The following ZSCAN20 variants were observed in gnomAD, a reference collection of about 807,000 sequenced individuals.
ZSCAN20 encodes zinc finger and SCAN domain-containing protein 20.
A neutral mutation model predicts 97.1 loss-of-function variants in ZSCAN20; 39 were observed. The observed-to-expected ratio is 0.40, with a 90% CI of 0.31 to 0.52. ZSCAN20 has a LOEUF of 0.52. Among genes scored for constraint, ZSCAN20 ranks in the 20% least tolerant of loss-of-function variants. The pLI is 0.49. For synonymous variants in ZSCAN20, 456 were observed against 467.3 expected (o/e 0.98, Z 0.31); for missense variants, 1,115 against 1,290.4 (o/e 0.86, Z 2.08).
At chr1:33,476,244 C>T (rs1280777380) in intron 1 of ZSCAN20, among the ~76,000 whole-genome samples, 1 of 152,174 alleles carries the variant, frequency 6.6e-6, no homozygotes, top group Non-Finnish European at 1.5e-5. Flanking sequence ...CGGCTGTTGG[C>T]CGACTCTGTT....
rs1219363944 is a variant in ZSCAN20, at chr1:33,491,056, C to T, written c.798C>T (p.Ser266=). ...GVPVSKPSNT[S]EKEQGPEFWG... ...CAGTTTCAAAACCAAGTAATACCTC[C>T]GAGAAAGAGCAAGGACCAGAGTTTT... Residue 266 remains serine (S), a synonymous_variant, in exon 6 of 8, where the codon TCC becomes TCT. Transcript: ENST00000684572. This position sits in a 1 kb window ranked among gnomAD's most constrained non-coding sequence, Gnocchi z 4.3. The T allele has an allele frequency of 6.2e-6, 10 of 1,607,824 alleles. No homozygotes were observed. The highest frequency in any genetic ancestry group is 1.7e-4 in the Middle Eastern group (1 of 6,012).
rs1465968842 is a variant in ZSCAN20 at position 33,497,299 on chromosome 1, GGC to G, written c.*1824_*1825del. ...TTTCTGGCCCACGTTATCTCTGCGG[GGC>G]AGGGGTCATGGGATGAACCCTGGAT... On this transcript the variant is annotated 3_prime_UTR_variant, in exon 8 of 8. Coordinates refer to ENST00000684572, the MANE Select transcript of ZSCAN20 (RefSeq NM_001377376.1). Among the ~76,000 whole-genome samples the G allele has an allele frequency of 1.3e-5, 2 of 152,314 alleles. No individual in the cohort carries two copies. Among genetic ancestry groups the G allele is most frequent in the East Asian group, 3.9e-4 (2 of 5,186 alleles).
Position 33,501,115 on chromosome 1 carries a change from T to G in ZSCAN20, c.*5639T>G, listed in dbSNP as rs1416966965. On this transcript the variant is annotated 3_prime_UTR_variant, in exon 8 of 8. Transcript: ENST00000684572. The stretch of plus-strand genomic sequence containing the variant: ...GGCAAGGCAGGAGAGAATCCCTCTG[T>G]GGACAGCACTTGAGAGGAAAGGGCT... 6.6e-6 allele frequency among the ~76,000 whole-genome samples: 1 copy of G among 152,150 alleles called. No individual in the cohort carries two copies. The highest frequency in any genetic ancestry group is 2.4e-5 in the African/African-American group (1 of 41,418).
intron 5 of ZSCAN20, among the ~76,000 whole-genome samples, chr1:33,489,925 C>G (rs1652530780): frequency 6.6e-6 from 1 of 152,112 alleles, no homozygotes; most frequent in African/African-American, 2.4e-5. Context: ...TAAATAGGAT[C>G]TCTCTCTCAG....
intron 2 of ZSCAN20, among the ~76,000 whole-genome samples, chr1:33,483,052 T>A (rs7517621): frequency 0.77 from 117,608 of 152,116 alleles, 45,816 homozygotes; most frequent in African/African-American, 0.84. Flanking sequence ...CATAGAGCAG[T>A]ATTTTTTAAT....
Position 33,473,586 on chromosome 1 carries a change from T to G in ZSCAN20, c.-111+895T>G, listed in dbSNP as rs1651811771. 2.0e-5 allele frequency among the ~76,000 whole-genome samples: 3 copies of G among 152,144 alleles called. No individual in the cohort carries two copies. In the South Asian group the frequency reaches 6.2e-4, roughly 32 times the overall value. ...CTCGTTTCCTGGGTAGGCCATTTGG[T>G]TTTCCATCATTATATATGCTGTTCT... On this transcript the variant is annotated intron_variant, in intron 1 of 7. Coordinates refer to ENST00000684572, the MANE Select transcript of ZSCAN20 (RefSeq NM_001377376.1).
Position 33,497,412 on chromosome 1 carries a change from AGAGG to A in ZSCAN20, c.*1943_*1946del, listed in dbSNP as rs1652913872. ...GAGAGGAAGGATCCTGAGGTGAGGG[AGAGG>A]GAGGGAATTCCAGGGAAAGGCACTG... On this transcript the variant is annotated 3_prime_UTR_variant, in exon 8 of 8. Coordinates refer to ENST00000684572, the MANE Select transcript of ZSCAN20 (RefSeq NM_001377376.1). 6.6e-6 allele frequency among the ~76,000 whole-genome samples: 1 copy of A among 152,042 alleles called. No individual in the cohort carries two copies.
rs778194021 is a variant in ZSCAN20, at chr1:33,495,362, G to C, written c.3018G>C (p.Gln1006His). 1 of 1,612,600 alleles carries C rather than the reference G, an allele frequency of 6.2e-7. No homozygotes were observed. The highest frequency in any genetic ancestry group is 2.2e-5 in the East Asian group (1 of 44,848). Reference protein sequence around the residue: ...FNQSSSLIIHQRIHTGEKPYK... With the variant: ...FNQSSSLIIHHRIHTGEKPYK... Reference sequence around the variant, plus strand: ...AGAGCTCCAGTCTTATTATTCACCAGAGAATCCACACAGGGGAGAAACCCT... The same window carrying C: ...AGAGCTCCAGTCTTATTATTCACCACAGAATCCACACAGGGGAGAAACCCT... Residue 1006 changes from glutamine to histidine, a missense_variant, in exon 8 of 8, where the codon CAG becomes CAC. This residue lies in a region of ZSCAN20 where 554 missense variants were observed against 584.9 expected (regional missense o/e 0.95). Coordinates refer to ENST00000684572, the MANE Select transcript of ZSCAN20 (RefSeq NM_001377376.1).
rs55941049 is a variant in ZSCAN20 at position 33,501,538 on chromosome 1, T to TTTA, written c.*6064_*6065insATT. On this transcript the variant is annotated 3_prime_UTR_variant, in exon 8 of 8. Coordinates refer to ENST00000684572, the MANE Select transcript of ZSCAN20 (RefSeq NM_001377376.1). ...CTTTCACTTCCCCATTTTCTGTTAT[T>TTTA]TTTTTTTTTTTTGTGCTGTTATGTA... is the stretch of plus-strand genomic sequence containing the variant. Among the ~76,000 whole-genome samples, 600 of 147,376 alleles carry TTTA rather than the reference T, an allele frequency of 4.1e-3. 2 individuals are homozygous for TTTA. The highest frequency in any genetic ancestry group is 6.3e-3 in the Non-Finnish European group (425 of 67,150).
Position 33,494,453 on chromosome 1 carries a change from G to A in ZSCAN20, c.2109G>A (p.Leu703=), listed in dbSNP as rs1652759561. Residue 703 remains leucine, a synonymous_variant, in exon 8 of 8, where the codon CTG becomes CTA. Coordinates refer to ENST00000684572, the MANE Select transcript of ZSCAN20 (RefSeq NM_001377376.1). ...AAAAACTTATTGACCATCAAGGCCT[G>A]TACCTTGCAGAGAAACCCTACAAGT... ...DLEKLIDHQG[L]YLAEKPYKCD... is the part of the protein sequence containing the mutation. 6.2e-7 allele frequency: 1 copy of A among 1,614,146 alleles called. No homozygotes were observed. Among genetic ancestry groups the A allele is most frequent in the East Asian group, 2.2e-5 (1 of 44,890 alleles).
In ZSCAN20 at chr1:33,498,893, T is replaced by C. The variant is rs2148486865; in HGVS notation, c.*3417T>C. ...CCCCCAGAGGCAGCAGACCCAAAGGTAGGGGCAGGGAAAGGAGGGGCCAAG... is the reference window on the plus strand; with the variant it reads ...CCCCCAGAGGCAGCAGACCCAAAGGCAGGGGCAGGGAAAGGAGGGGCCAAG... On this transcript the variant is annotated 3_prime_UTR_variant, in exon 8 of 8. Coordinates refer to ENST00000684572, the MANE Select transcript of ZSCAN20 (RefSeq NM_001377376.1). Among the ~76,000 whole-genome samples the C allele has an allele frequency of 6.6e-6, 1 of 152,108 alleles. No individual in the cohort carries two copies. The highest frequency in any genetic ancestry group is 6.5e-5 in the Admixed American group (1 of 15,290).
At chr1:33,473,739 C>T (rs1045716562) in intron 1 of ZSCAN20, among the ~76,000 whole-genome samples, 2 of 152,184 alleles carry the variant, frequency 1.3e-5, no homozygotes, top group African/African-American at 4.8e-5. Flanking sequence ...CAACCCTCAG[C>T]TCCCATAACT....
intron 7 of ZSCAN20, 36 bp from the exon 8 acceptor site, chr1:33,494,182 A>G (rs771752924): frequency 6.6e-7 from 1 of 1,526,386 alleles, no homozygotes; most frequent in South Asian, 1.3e-5. Context: ...CGCGCTAATG[A>G]GTGAAGAAAA....
rs142437125 is a variant in ZSCAN20 at position 33,501,271 on chromosome 1, C to T, written c.*5795C>T. Among the ~76,000 whole-genome samples the T allele has an allele frequency of 3.9e-5, 6 of 152,316 alleles. No homozygotes were observed. The East Asian group carries it at 5.8e-4, about 15-fold the overall frequency. On this transcript the variant is annotated 3_prime_UTR_variant, in exon 8 of 8. Transcript: ENST00000684572. ...TAGGGGCAGGAGCTCACGCTAAACC[C>T]GGTTGGTGTGTCCTGGAGAAGCACA...
In ZSCAN20 at chr1:33,491,585, G is replaced by T; in HGVS notation, c.1327G>T (p.Gly443Trp). The T allele has an allele frequency of 6.2e-7, 1 of 1,613,966 alleles. No homozygotes were observed. The highest frequency in any genetic ancestry group is 1.1e-5 in the South Asian group (1 of 91,078). ...SDAEMDEQEEGGWDPEEMAED... is the reference protein window; with the variant it reads ...SDAEMDEQEEWGWDPEEMAED... ...CGCAGAGATGGATGAGCAGGAGGAAGGGGGCTGGGATCCTGAAGAAATGGC... is the reference window on the plus strand; with the variant it reads ...CGCAGAGATGGATGAGCAGGAGGAATGGGGCTGGGATCCTGAAGAAATGGC... The change falls in exon 6 of 8, where the codon GGG (glycine) becomes TGG (tryptophan). Residue 443 changes from glycine to tryptophan, a missense_variant. Physicochemically the swap from Gly to Trp is radical, Grantham distance 184. Coordinates refer to ENST00000684572, the MANE Select transcript of ZSCAN20 (RefSeq NM_001377376.1). The surrounding 1 kb of genome is among the most constrained non-coding windows in gnomAD (Gnocchi z 4.3).
At chr1:33,477,583 A>G (rs1460464969) in intron 1 of ZSCAN20, among the ~76,000 whole-genome samples, 1 of 151,354 alleles carries the variant, frequency 6.6e-6, no homozygotes, top group Non-Finnish European at 1.5e-5. Context: ...AGAAAGTGGT[A>G]AGTGTCACAG....
chr1:33,491,073 C>T lies in ZSCAN20; in HGVS notation c.815C>T (p.Pro272Leu). The T allele has an allele frequency of 6.2e-7, 1 of 1,612,210 alleles. No homozygotes were observed. The highest frequency in any genetic ancestry group is 8.5e-7 in the Non-Finnish European group (1 of 1,179,540). The change falls in exon 6 of 8, where the codon CCA becomes CTA. Residue 272 changes from proline (P) to leucine (L), a missense_variant. Physicochemically the swap from Pro to Leu is moderately conservative, Grantham distance 98 (BLOSUM62 -3). Coordinates refer to ENST00000684572, the MANE Select transcript of ZSCAN20 (RefSeq NM_001377376.1). This position sits in a 1 kb window ranked among gnomAD's most constrained non-coding sequence, Gnocchi z 4.3. ...PSNTSEKEQG[P>L]EFWGLSLINS... ...AATACCTCCGAGAAAGAGCAAGGAC[C>T]AGAGTTTTGGGGTCTAAGTCTTATA...
intron 2 of ZSCAN20, among the ~76,000 whole-genome samples, chr1:33,485,765 A>G (rs1652341360): frequency 6.6e-6 from 1 of 152,054 alleles, no homozygotes; most frequent in African/African-American, 2.4e-5. Context: ...AATCTTTTCA[A>G]AGAACTAGCT....
At position 33,479,970 on chromosome 1, in the gene ZSCAN20, T is replaced by C. The variant is rs185123203; in HGVS notation, c.417+265T>C. On this transcript the variant is annotated intron_variant, in intron 2 of 7. Coordinates refer to ENST00000684572, the MANE Select transcript of ZSCAN20 (RefSeq NM_001377376.1). ...AGAGACAGAGAAAAGATAGGTAAGTTGCCCAGGGTCTCAACAGCTGCTAGA... is the reference window on the plus strand; with the variant it reads ...AGAGACAGAGAAAAGATAGGTAAGTCGCCCAGGGTCTCAACAGCTGCTAGA... 5.9e-5 allele frequency among the ~76,000 whole-genome samples: 9 copies of C among 152,296 alleles called. No individual in the cohort carries two copies. In the East Asian group the frequency reaches 1.7e-3, roughly 29 times the overall value.
Sources: allele counts gnomAD v4.1 joint callset (sites outside exome capture counted in the v4.1 genomes callset), GRCh38; gene constraint gnomAD v4.1.1; regional missense constraint gnomAD v4.1.1; non-coding constraint Gnocchi (gnomAD v3.1); transcripts MANE v1.5; gene names NCBI Gene and HGNC (gene_info 2026-07-23, HGNC 2026-07-21).